CAD: variants seen among roughly 807,000 people sequenced by gnomAD.
The protein encoded by CAD is carbamoyl-phosphate synthetase 2, aspartate transcarbamylase, and dihydroorotase.
In CAD, 81 loss-of-function variants were observed where a neutral mutation model predicts 237.2. The ratio of observed to expected loss-of-function variants is 0.34; its 90% CI spans 0.29 to 0.41. CAD has a LOEUF of 0.41. Among genes scored for constraint, CAD ranks in the 10% least tolerant of loss-of-function variants. The pLI, the probability that CAD is intolerant of heterozygous loss-of-function variation, is 1.00. For missense variants in CAD, 2,181 were observed against 2,951.7 expected (o/e 0.74, Z 6.05); for synonymous variants, 1,196 against 1,162.8 (o/e 1.03, Z -0.58).
In CAD at chr2:27,224,373, T is replaced by C. The variant is rs1263755269; in HGVS notation, c.1137T>C (p.Cys379=). The change falls in exon 9 of 44, where the codon TGT becomes TGC. Residue 379 remains cysteine, a synonymous_variant. Coordinates refer to ENST00000264705, the MANE Select transcript of CAD (RefSeq NM_004341.5). The part of the protein sequence containing the change: ...TVRERLTERL[C]PPGIPTPGSG... ...GAGAGCGGCTGACTGAGCGCCTCTG[T>C]CCCCCTGGGATTCCCACTCCCGGCT... The C allele has an allele frequency of 1.2e-6, 2 of 1,614,126 alleles. No individual in the cohort carries two copies. Among genetic ancestry groups the C allele is most frequent in the African/African-American group, 1.3e-5 (1 of 75,022 alleles).
In CAD at chr2:27,233,128, G is replaced by C; in HGVS notation, c.2979G>C (p.Glu993Asp). ...TGTGTGATCGACTCTACTTTGATGA[G>C]ATCTCTTTTGAGGTGAGGGAGATGG... ...YDMCDRLYFDEISFEVVMDIY... is the reference protein window; with the variant it reads ...YDMCDRLYFDDISFEVVMDIY... The change falls in exon 19 of 44, where the codon GAG becomes GAC. Residue 993 changes from glutamate (E) to aspartate (D), a missense_variant. Glu to Asp is a conservative substitution (Grantham distance 45). Transcript: ENST00000264705. This position sits in a 1 kb window ranked among gnomAD's most constrained non-coding sequence, Gnocchi z 6.3. 1 of 1,612,366 alleles carries C rather than the reference G, an allele frequency of 6.2e-7. No individual in the cohort carries two copies. The highest frequency in any genetic ancestry group is 8.5e-7 in the Non-Finnish European group (1 of 1,178,370).
In CAD at chr2:27,241,303, A is replaced by C. The variant is rs199516224; in HGVS notation, c.5809-19A>C. ...AGCTGGGGCTAGGACCTTTCTAGCTAACTTGGGCTCTTTCTTAGATGTCTC... is the reference window on the plus strand; with the variant it reads ...AGCTGGGGCTAGGACCTTTCTAGCTCACTTGGGCTCTTTCTTAGATGTCTC... On this transcript the variant is annotated intron_variant, in intron 37 of 43. Transcript: ENST00000264705. The surrounding 1 kb of genome is among the most constrained non-coding windows in gnomAD (Gnocchi z 4.6). 3 of 1,614,032 alleles carry C rather than the reference A, an allele frequency of 1.9e-6. No homozygotes were observed. Among genetic ancestry groups the C allele is most frequent in the Non-Finnish European group, 2.5e-6 (3 of 1,179,958 alleles).
Position 27,237,484 on chromosome 2 carries a change from G to T in CAD, c.4502G>T (p.Cys1501Phe). The stretch of plus-strand genomic sequence containing the variant: ...CTGGCTGGGGGTATCACCATGGTGT[G>T]TGCCATGCCTAATACCCGGCCCCCC... ...AALAGGITMVCAMPNTRPPII... is the reference protein window; with the variant it reads ...AALAGGITMVFAMPNTRPPII... The change falls in exon 28 of 44, where the codon TGT becomes TTT. Residue 1501 changes from cysteine to phenylalanine, a missense_variant. Transcript: ENST00000264705. This position sits in a 1 kb window ranked among gnomAD's most constrained non-coding sequence, Gnocchi z 4.0. 6.2e-7 allele frequency: 1 copy of T among 1,614,188 alleles called. No homozygotes were observed. The highest frequency in any genetic ancestry group is 1.1e-5 in the South Asian group (1 of 91,088).
Position 27,232,822 on chromosome 2 carries a change from G to C in CAD, c.2892+128G>C, listed in dbSNP as rs577121936. ...TTTGGTCATAGAGCTTTGGGGTGGG[G>C]GTCCTTTTAGGCCATCTCTCATGCC... On this transcript the variant is annotated intron_variant, in intron 18 of 43. Coordinates refer to ENST00000264705, the MANE Select transcript of CAD (RefSeq NM_004341.5). This position sits in a 1 kb window ranked among gnomAD's most constrained non-coding sequence, Gnocchi z 4.1. 92 of 1,151,794 alleles carry C rather than the reference G, an allele frequency of 8.0e-5. No homozygotes were observed. The highest frequency in any genetic ancestry group is 1.1e-4 in the Non-Finnish European group (87 of 790,790). 71.3% of individuals were successfully genotyped at this position (1,151,794 alleles called of 1,614,324 possible).
In CAD at chr2:27,221,240, A is replaced by C; in HGVS notation, c.245A>C (p.His82Pro). Reference sequence around the variant, plus strand: ...CAGTGGTTTGAATCCTCGGGCATCCACGTAGCAGCACTGGTAGTGGGAGAG... The same window carrying C: ...CAGTGGTTTGAATCCTCGGGCATCCCCGTAGCAGCACTGGTAGTGGGAGAG... ...LCKWFESSGI[H>P]VAALVVGECC... The change falls in exon 3 of 44, where the codon CAC (histidine) becomes CCC (proline). Residue 82 changes from histidine (H) to proline (P), a missense_variant. This residue lies in a region of CAD where 314 missense variants were observed against 339.4 expected (regional missense o/e 0.93). Coordinates refer to ENST00000264705, the MANE Select transcript of CAD (RefSeq NM_004341.5). The C allele has an allele frequency of 6.4e-7, 1 of 1,566,360 alleles. No homozygotes were observed. The highest frequency in any genetic ancestry group is 8.7e-7 in the Non-Finnish European group (1 of 1,153,064).
In CAD at chr2:27,225,817, T is replaced by C; in HGVS notation, c.1733T>C (p.Val578Ala). The C allele has an allele frequency of 6.2e-7, 1 of 1,614,200 alleles. No individual in the cohort carries two copies. Among genetic ancestry groups the C allele is most frequent in the Admixed American group, 1.7e-5 (1 of 60,034 alleles). Residue 578 changes from valine (V) to alanine (A), a missense_variant, in exon 12 of 44, where the codon GTG becomes GCG. Physicochemically the swap from Val to Ala is moderately conservative, Grantham distance 64 (BLOSUM62 0). Coordinates refer to ENST00000264705, the MANE Select transcript of CAD (RefSeq NM_004341.5). ...AACAGGGAGGAGCTCTCTGCTCTCGTGGCCCCAGCTTTTGCCCATACCAGC... is the reference window on the plus strand; with the variant it reads ...AACAGGGAGGAGCTCTCTGCTCTCGCGGCCCCAGCTTTTGCCCATACCAGC... ...ASNREELSAL[V>A]APAFAHTSQV...
chr2:27,223,743 C>T lies in CAD; in HGVS notation c.990C>T (p.Phe330=), dbSNP rs1236415305. 4 of 1,614,034 alleles carry T rather than the reference C, an allele frequency of 2.5e-6. No homozygotes were observed. In the Admixed American group the frequency reaches 5.0e-5, roughly 20 times the overall value. Residue 330 remains phenylalanine (F), a synonymous_variant, in exon 7 of 44, where the codon TTC becomes TTT. Coordinates refer to ENST00000264705, the MANE Select transcript of CAD (RefSeq NM_004341.5). ...GCATTGTGCACAACAGCTTGCCTTT[C>T]TTCAGGTGAGCCTGGTTGACTGGGT... ...NEGIVHNSLP[F]FSVQFHPEHQ... is the part of the protein sequence containing the mutation.
At chr2:27,222,489 A>G (rs886116326) in intron 4 of CAD, 30 bp from the exon 5 acceptor site, 1 of 1,609,490 alleles carries the variant, frequency 6.2e-7, no homozygotes. Context: ...ACAGCTGCCA[A>G]CTGTTGCCCT....
chr2:27,240,517 G>A lies in CAD; in HGVS notation c.5593+156G>A. 1 of 1,537,430 alleles carries A rather than the reference G, an allele frequency of 6.5e-7. No homozygotes were observed. Among genetic ancestry groups the A allele is most frequent in the East Asian group, 2.4e-5 (1 of 40,958 alleles). On this transcript the variant is annotated intron_variant, in intron 35 of 43. Transcript: ENST00000264705. This position sits in a 1 kb window ranked among gnomAD's most constrained non-coding sequence, Gnocchi z 4.6. Reference sequence around the variant, plus strand: ...CTTTGCCTAAACAAGTCTCCCCGGTGTGAGTAGACATCTCACAGCTTCTCA... The same window carrying A: ...CTTTGCCTAAACAAGTCTCCCCGGTATGAGTAGACATCTCACAGCTTCTCA...
chr2:27,217,371 T>C lies in CAD; in HGVS notation c.-181T>C. 1 of 590,814 alleles carries C rather than the reference T, an allele frequency of 1.7e-6. No homozygotes were observed. 36.6% of individuals were successfully genotyped at this position (590,814 alleles called of 1,614,324 possible). A position where few individuals can be genotyped will look rare whatever the true frequency, so the allele number is the denominator to read the frequency against. On this transcript the variant is annotated 5_prime_UTR_variant, in exon 1 of 44. Coordinates refer to ENST00000264705, the MANE Select transcript of CAD (RefSeq NM_004341.5). The stretch of plus-strand genomic sequence containing the variant: ...GCCGCCTGTGTCCGCGCCGCCGCAG[T>C]CTCTGCTGCTGCCGCCAAGCGCGCC...
chr2:27,242,183 C>A lies in CAD; in HGVS notation c.6096+60C>A, dbSNP rs1030477285. 1 of 1,589,196 alleles carries A rather than the reference C, an allele frequency of 6.3e-7. No homozygotes were observed. The highest frequency in any genetic ancestry group is 1.3e-5 in the African/African-American group (1 of 74,366). ...AAGGCTGGACCCAGGGGCATGAGAACCCTTCTGCCCACGTTTTCTGTGTTT... is the reference window on the plus strand; with the variant it reads ...AAGGCTGGACCCAGGGGCATGAGAAACCTTCTGCCCACGTTTTCTGTGTTT... On this transcript the variant is annotated intron_variant, in intron 39 of 43. Transcript: ENST00000264705. The surrounding 1 kb of genome is among the most constrained non-coding windows in gnomAD (Gnocchi z 6.4).
chr2:27,232,877 A>G lies in CAD; in HGVS notation c.2893-165A>G, dbSNP rs1355767336. On this transcript the variant is annotated intron_variant, in intron 18 of 43. Coordinates refer to ENST00000264705, the MANE Select transcript of CAD (RefSeq NM_004341.5). This position sits in a 1 kb window ranked among gnomAD's most constrained non-coding sequence, Gnocchi z 4.1. ...ACGGTATATGAATCTCTTCCCCAAC[A>G]CTTTGTACCTCCTTCCCTCCCAAGG... Among the ~76,000 whole-genome samples, 2 of 151,924 alleles carry G rather than the reference A, an allele frequency of 1.3e-5. No individual in the cohort carries two copies. The highest frequency in any genetic ancestry group is 2.1e-4 in the South Asian group (1 of 4,810).
Position 27,224,342 on chromosome 2 carries a change from CAGTT to C in CAD, c.1109_1112del (p.Val370GlufsTer4). The C allele has an allele frequency of 6.2e-7, 1 of 1,614,168 alleles. No individual in the cohort carries two copies. Among genetic ancestry groups the C allele is most frequent in the Non-Finnish European group, 8.5e-7 (1 of 1,180,000 alleles). ...CATTCTACGACCTTCTTTGCTTCCA[CAGTT>C]AGAGAGCGGCTGACTGAGCGCCTCT... is the stretch of plus-strand genomic sequence containing the variant. On this transcript the variant is annotated splice_acceptor_variant and coding_sequence_variant, in exon 9 of 44. Transcript: ENST00000264705. LOFTEE classifies it high-confidence loss of function.
rs749667553 is a variant in CAD at position 27,236,822 on chromosome 2, G to A, written c.4388G>A (p.Arg1463Gln). 6 of 1,614,020 alleles carry A rather than the reference G, an allele frequency of 3.7e-6. No homozygotes were observed. The highest frequency in any genetic ancestry group is 1.7e-5 in the Admixed American group (1 of 60,014). ...VDCMTSQKLV[R>Q]LPGLIDVHVH... is the part of the protein sequence containing the mutation. ...TGTATGACCTCCCAAAAGCTTGTGC[G>A]ACTGCCGGGTAAGTCTTTGGGGAGA... The change falls in exon 27 of 44, where the codon CGA becomes CAA. Residue 1463 changes from arginine to glutamine, a missense_variant. By Grantham distance (43) the Arg-to-Gln change is conservative (BLOSUM62 1). Coordinates refer to ENST00000264705, the MANE Select transcript of CAD (RefSeq NM_004341.5). The surrounding 1 kb of genome is among the most constrained non-coding windows in gnomAD (Gnocchi z 4.1).
chr2:27,238,309 C>T lies in CAD; in HGVS notation c.4860+122C>T, dbSNP rs1413545205. 3.2e-5 allele frequency: 46 copies of T among 1,457,696 alleles called. 1 individual carries two copies. Among genetic ancestry groups the T allele is most frequent in the South Asian group, 1.8e-4 (14 of 76,994 alleles). The allele number at this position is 1,457,696 out of a possible 1,614,324, so 90.3% of individuals were successfully genotyped here. ...TCTGGAGACAGCAGGAGGAGGGTCT[C>T]GAGCCAGCACCCTTGCAGGTCTACA... On this transcript the variant is annotated intron_variant, in intron 30 of 43. Transcript: ENST00000264705.
In CAD at chr2:27,225,219, C is replaced by T. The variant is rs780880473; in HGVS notation, c.1596C>T (p.Ser532=). ...AGATCGGAGAGCATGTGGCCCCGAG[C>T]GAGGCAGCAAATTCTCTTGAACAGG... ...MAEIGEHVAP[S]EAANSLEQAQ... Residue 532 remains serine, a synonymous_variant, in exon 11 of 44, where the codon AGC becomes AGT. Coordinates refer to ENST00000264705, the MANE Select transcript of CAD (RefSeq NM_004341.5). The T allele has an allele frequency of 1.1e-5, 18 of 1,611,546 alleles. No individual in the cohort carries two copies. The highest frequency in any genetic ancestry group is 6.6e-5 in the South Asian group (6 of 90,998).
chr2:27,233,939 A>G lies in CAD; in HGVS notation c.3400-69A>G, dbSNP rs1035734053. The G allele has an allele frequency of 1.4e-5, 21 of 1,553,044 alleles. No homozygotes were observed. In the African/African-American group the frequency reaches 2.7e-4, roughly 20 times the overall value. ...GGGCTATGTGGGGCTCGTTAAAGGA[A>G]GAGACAATCCTAGAGTAAGTGAGAG... On this transcript the variant is annotated intron_variant, in intron 21 of 43. Coordinates refer to ENST00000264705, the MANE Select transcript of CAD (RefSeq NM_004341.5). This position sits in a 1 kb window ranked among gnomAD's most constrained non-coding sequence, Gnocchi z 6.3.
intron 7 of CAD, 43 bp downstream of exon 7, chr2:27,223,791 G>T: frequency 6.2e-7 from 1 of 1,603,094 alleles, no homozygotes; most frequent in Non-Finnish European, 8.5e-7. Context: ...GAAGCCCTGT[G>T]GGCCTTGATG....
Position 27,239,124 on chromosome 2 carries a change from G to C in CAD, c.5145G>C (p.Leu1715=). Residue 1715 remains leucine (L), a synonymous_variant, in exon 32 of 44, where the codon CTG becomes CTC. Coordinates refer to ENST00000264705, the MANE Select transcript of CAD (RefSeq NM_004341.5). The surrounding 1 kb of genome is among the most constrained non-coding windows in gnomAD (Gnocchi z 4.0). ...TAGAGACCATGCTGCCACTACTCCT[G>C]ACGGCTGTAAGCGAGGGCCGGCTCA... is the stretch of plus-strand genomic sequence containing the variant. The part of the protein sequence containing the change: ...PGLETMLPLL[L]TAVSEGRLSL... 2 of 1,613,332 alleles carry C rather than the reference G, an allele frequency of 1.2e-6. No individual in the cohort carries two copies. Among genetic ancestry groups the C allele is most frequent in the Non-Finnish European group, 1.7e-6 (2 of 1,179,576 alleles).
Sources: gnomAD v4.1 joint callset for allele counts (sites outside exome capture counted in the v4.1 genomes callset) on GRCh38, gnomAD v4.1.1 for gene constraint, gnomAD v4.1.1 regional missense constraint, Gnocchi (gnomAD v3.1) non-coding constraint, MANE v1.5 for transcripts, NCBI Gene and HGNC (gene_info 2026-07-23, HGNC 2026-07-21) for gene names.